The following HPCAL1 variants were observed in gnomAD, a reference collection of about 807,000 sequenced individuals.
HPCAL1 encodes the protein hippocalcin like 1, also known as hippocalcin-like protein 1.
Under a neutral mutation model 17.1 loss-of-function variants are expected in HPCAL1, and 8 were observed. That is an observed-to-expected ratio of 0.47 (90% confidence interval 0.27 to 0.84). HPCAL1 has a LOEUF of 0.84. HPCAL1 is among the 40% of genes least tolerant of loss of function. The probability of loss-of-function intolerance (pLI) is 0.13; values close to 1 mark genes in which losing one functional copy is unlikely to be tolerated. For missense variants in HPCAL1, 165 were observed against 271.1 expected (o/e 0.61, Z 2.75); for synonymous variants, 112 against 111.4 (o/e 1.01, Z -0.03).
chr2:10,393,959 G>GA (rs34916252), intron 1 of HPCAL1, among the ~76,000 whole-genome samples: 35,669 of 129,558 alleles, frequency 0.28, 4,814 homozygotes, highest in Admixed American at 0.38. Flanking sequence ...TACTAAAAAT[G>GA]AAAAAAAAAA....
At chr2:10,332,491 AG>A (rs1184516686) in intron 1 of HPCAL1, among the ~76,000 whole-genome samples, 1 of 143,880 alleles carries the variant, frequency 7.0e-6, no homozygotes, top group African/African-American at 2.5e-5. Flanking sequence ...TGGGCAAGGC[AG>A]GGTGGGAGGT....
At chr2:10,382,856 C>T (rs1668049643) in intron 1 of HPCAL1, among the ~76,000 whole-genome samples, 1 of 152,226 alleles carries the variant, frequency 6.6e-6, no homozygotes, top group South Asian at 2.1e-4. Flanking sequence ...CCTGTTTCTG[C>T]CCAGCCACAC....
intron 2 of HPCAL1, among the ~76,000 whole-genome samples, chr2:10,412,112 G>C (rs1443701975): frequency 6.6e-6 from 1 of 152,250 alleles, no homozygotes; most frequent in Admixed American, 6.5e-5. Flanking sequence ...ATGTGTTGCA[G>C]TGGGATGTCA....
chr2:10,326,354 G>A (rs1664018115), intron 1 of HPCAL1, among the ~76,000 whole-genome samples: 1 of 152,260 alleles, frequency 6.6e-6, no homozygotes, highest in African/African-American at 2.4e-5. Context: ...GGTGGCTTCA[G>A]TGTGTTTGAA....
chr2:10,372,471 G>A (rs1279421338), intron 1 of HPCAL1, among the ~76,000 whole-genome samples: 6 of 152,140 alleles, frequency 3.9e-5, no homozygotes, highest in Admixed American at 1.3e-4. Flanking sequence ...GCAGACAGGC[G>A]AGCGTATGGC....
rs55678486 is a variant in HPCAL1 at position 10,395,113 on chromosome 2, AACACACACACACACAC to A, written c.-110-1691_-110-1676del. ...TGTCCAGCCTAAAATCTATCTTTAA[AACACACACACACACAC>A]ACACACACACACACACACACACACA... On this transcript the variant is annotated intron_variant, in intron 1 of 4. Coordinates refer to ENST00000307845, the MANE Select transcript of HPCAL1 (RefSeq NM_002149.4). This position sits in a 1 kb window ranked among gnomAD's most constrained non-coding sequence, Gnocchi z 4.4. Among the ~76,000 whole-genome samples the A allele has an allele frequency of 2.9e-4, 40 of 138,464 alleles. No individual in the cohort carries two copies. Among genetic ancestry groups the A allele is most frequent in the East Asian group, 1.1e-3 (5 of 4,566 alleles). The allele number at this position is 138,464 out of a possible 152,430, so 90.8% of individuals were successfully genotyped here.
At chr2:10,400,768 C>T (rs1669552557) in intron 2 of HPCAL1, among the ~76,000 whole-genome samples, 1 of 127,508 alleles carries the variant, frequency 7.8e-6, no homozygotes, top group African/African-American at 3.2e-5. Flanking sequence ...CCCACATGCA[C>T]ACATACACAC....
chr2:10,358,529 C>G (rs577561249), intron 1 of HPCAL1, among the ~76,000 whole-genome samples: 5 of 152,332 alleles, frequency 3.3e-5, no homozygotes, highest in Admixed American at 3.3e-4. Context: ...CTATAAAAAC[C>G]GCGAGAGCCT....
chr2:10,340,118 C>T (rs1558470240), intron 1 of HPCAL1, among the ~76,000 whole-genome samples: 1 of 152,182 alleles, frequency 6.6e-6, no homozygotes, highest in Non-Finnish European at 1.5e-5. Flanking sequence ...GTGCCTGCAC[C>T]GCCTTCCCCC....
intron 1 of HPCAL1, among the ~76,000 whole-genome samples, chr2:10,389,058 G>C (rs1668519730): frequency 6.6e-6 from 1 of 152,138 alleles, no homozygotes; most frequent in African/African-American, 2.4e-5. Context: ...ACCAAATTGA[G>C]GACTAGCTAC....
chr2:10,351,213 T>C (rs1558478702), intron 1 of HPCAL1, among the ~76,000 whole-genome samples: 1 of 152,206 alleles, frequency 6.6e-6, no homozygotes, highest in Non-Finnish European at 1.5e-5. Context: ...CAATGGAATA[T>C]CACTGAGCAG....
At chr2:10,320,442 T>G (rs1281455607) in intron 1 of HPCAL1, among the ~76,000 whole-genome samples, 1 of 152,200 alleles carries the variant, frequency 6.6e-6, no homozygotes, top group Non-Finnish European at 1.5e-5. Flanking sequence ...CTGCTCTCCC[T>G]TCTGCTCCAG....
chr2:10,322,882 G>A lies in HPCAL1; in HGVS notation c.-111+19705G>A, dbSNP rs538566786. Among the ~76,000 whole-genome samples, 150 of 152,284 alleles carry A rather than the reference G, an allele frequency of 9.9e-4. 1 individual carries two copies. The highest frequency in any genetic ancestry group is 3.4e-3 in the African/African-American group (143 of 41,528). On this transcript the variant is annotated intron_variant, in intron 1 of 4. Coordinates refer to ENST00000307845, the MANE Select transcript of HPCAL1 (RefSeq NM_002149.4). ...GCCACCGCTTGTCACGTTTTATGTTGTTTGCAGCCAAATGCATTCCTCATT... is the reference window on the plus strand; with the variant it reads ...GCCACCGCTTGTCACGTTTTATGTTATTTGCAGCCAAATGCATTCCTCATT...
intron 1 of HPCAL1, among the ~76,000 whole-genome samples, chr2:10,339,423 G>A (rs1177250799): frequency 6.6e-6 from 1 of 152,034 alleles, no homozygotes; most frequent in Non-Finnish European, 1.5e-5. Context: ...CTCTGCCTCA[G>A]CCTCCCCAGT....
In HPCAL1 at chr2:10,384,571, C is replaced by T. The variant is rs759572663; in HGVS notation, c.-110-12264C>T. Among the ~76,000 whole-genome samples the T allele has an allele frequency of 1.3e-5, 2 of 151,310 alleles. No homozygotes were observed. Among genetic ancestry groups the T allele is most frequent in the Non-Finnish European group, 3.0e-5 (2 of 67,692 alleles). On this transcript the variant is annotated intron_variant, in intron 1 of 4. Coordinates refer to ENST00000307845, the MANE Select transcript of HPCAL1 (RefSeq NM_002149.4). This position sits in a 1 kb window ranked among gnomAD's most constrained non-coding sequence, Gnocchi z 4.4. ...TGCAAATCCCAGAAAAGTGGAATCT[C>T]GGTGGCAGAGTGGATGAAGGGGAGG...
intron 2 of HPCAL1, among the ~76,000 whole-genome samples, chr2:10,398,542 C>T (rs1179655609): frequency 2.0e-5 from 3 of 152,114 alleles, no homozygotes; most frequent in African/African-American, 7.2e-5. Context: ...TCATCTGTGG[C>T]CCTGGTAGAT....
At position 10,395,416 on chromosome 2, in the gene HPCAL1, A is replaced by G. The variant is rs183168339; in HGVS notation, c.-110-1419A>G. The stretch of plus-strand genomic sequence containing the variant: ...CTGTGTCCAGGCTCTGGACGCATAG[A>G]CGTGAAACGGACGATTTCCTGACCT... On this transcript the variant is annotated intron_variant, in intron 1 of 4. Transcript: ENST00000307845. This position sits in a 1 kb window ranked among gnomAD's most constrained non-coding sequence, Gnocchi z 4.4. Among the ~76,000 whole-genome samples, 625 of 150,838 alleles carry G rather than the reference A, an allele frequency of 4.1e-3. 6 individuals carry two copies. Among genetic ancestry groups the G allele is most frequent in the Middle Eastern group, 0.014 (4 of 294 alleles).
At chr2:10,399,245 C>T (rs1005188076) in intron 2 of HPCAL1, among the ~76,000 whole-genome samples, 5 of 137,914 alleles carry the variant, frequency 3.6e-5, no homozygotes, top group East Asian at 2.1e-4. Flanking sequence ...CCACCATCAC[C>T]ACCACCACCA....
chr2:10,315,210 G>A lies in HPCAL1; in HGVS notation c.-111+12033G>A, dbSNP rs539465794. 8.6e-5 allele frequency among the ~76,000 whole-genome samples: 13 copies of A among 151,766 alleles called. No individual in the cohort carries two copies. In the South Asian group the frequency reaches 1.0e-3, roughly 12 times the overall value. On this transcript the variant is annotated intron_variant, in intron 1 of 4. Transcript: ENST00000307845. Reference sequence around the variant, plus strand: ...CGGGAGGCTGAGGCAGGAGAATAGGGTGAACCCAGGAGGTGGAGCTTGCAG... The same window carrying A: ...CGGGAGGCTGAGGCAGGAGAATAGGATGAACCCAGGAGGTGGAGCTTGCAG...
Sources: gnomAD v4.1 joint callset for allele counts (sites outside exome capture counted in the v4.1 genomes callset) on GRCh38, gnomAD v4.1.1 for gene constraint, Gnocchi (gnomAD v3.1) non-coding constraint, MANE v1.5 for transcripts, NCBI Gene and HGNC (gene_info 2026-07-23, HGNC 2026-07-21) for gene names.